Variants in MGST1 observed in about 807,000 individuals in gnomAD.
MGST1 encodes glutathione S-transferase 12.
MGST1 carries 5 observed loss-of-function variants against 8.9 expected under a neutral mutation model. The ratio of observed to expected loss-of-function variants is 0.56; its 90% CI spans 0.29 to 1.19. The LOEUF (loss-of-function observed/expected upper bound fraction) is 1.19, where lower values mean the gene tolerates loss of function less well. Ranked by LOEUF, MGST1 falls within the 50% of genes most tolerant of loss-of-function variation. The pLI, the probability that MGST1 is intolerant of heterozygous loss-of-function variation, is 0.08. For missense variants in MGST1, 182 were observed against 187.4 expected (o/e 0.97, Z 0.17); for synonymous variants, 54 against 67.8 (o/e 0.80, Z 1.00).
chr12:16,368,895 T>C (rs1285809644), downstream of MGST1, among the ~76,000 whole-genome samples: 1 of 152,204 alleles, frequency 6.6e-6, no homozygotes, highest in African/African-American at 2.4e-5. Flanking sequence ...TAGACTCTGA[T>C]ATACCACGAA....
chr12:16,419,756 G>A (rs1255483150), intron 1 of MGST1, among the ~76,000 whole-genome samples: 2 of 152,140 alleles, frequency 1.3e-5, no homozygotes, highest in African/African-American at 4.8e-5. Context: ...TCAGCCTGAA[G>A]ATATACTTTG....
At chr12:16,479,829 C>G (rs1311446214) in intron 4 of MGST1, among the ~76,000 whole-genome samples, 1 of 152,110 alleles carries the variant, frequency 6.6e-6, no homozygotes, top group Non-Finnish European at 1.5e-5. Context: ...AGCCACTGCA[C>G]CTGTATCTTT....
At chr12:16,421,326 T>C (rs903476645) in intron 1 of MGST1, among the ~76,000 whole-genome samples, 3 of 152,180 alleles carry the variant, frequency 2.0e-5, no homozygotes, top group African/African-American at 7.2e-5. Context: ...ATGAGGAGCC[T>C]GATGTAACCC....
chr12:16,481,222 T>A (rs1189712405), intron 4 of MGST1, among the ~76,000 whole-genome samples: 1 of 152,198 alleles, frequency 6.6e-6, no homozygotes, highest in African/African-American at 2.4e-5. Context: ...TTTCAGTATC[T>A]ACATGGTCCA....
chr12:16,420,732 G>C (rs1940828605), intron 1 of MGST1, among the ~76,000 whole-genome samples: 1 of 152,114 alleles, frequency 6.6e-6, no homozygotes, highest in African/African-American at 2.4e-5. Flanking sequence ...GTGATCTTGG[G>C]TGAGAATGCT....
intron 4 of MGST1, among the ~76,000 whole-genome samples, chr12:16,506,840 G>C (rs1037012681): frequency 6.6e-5 from 10 of 152,240 alleles, no homozygotes; most frequent in Admixed American, 1.3e-4. Context: ...TAAACATTAG[G>C]ATCAACAATT....
At chr12:16,384,942 G>A (rs138658359) in intron 1 of MGST1, among the ~76,000 whole-genome samples, 1 of 152,232 alleles carries the variant, frequency 6.6e-6, no homozygotes, top group Non-Finnish European at 1.5e-5. Context: ...TCTAGCTGGG[G>A]TTACAGCAGA....
intron 4 of MGST1, among the ~76,000 whole-genome samples, chr12:16,540,261 A>G (rs1184191568): frequency 6.6e-6 from 1 of 152,038 alleles, no homozygotes; most frequent in Non-Finnish European, 1.5e-5. Context: ...GGATTTGCAC[A>G]GTGATTGGCA....
chr12:16,518,635 C>A (rs935947524), intron 4 of MGST1, among the ~76,000 whole-genome samples: 10 of 152,152 alleles, frequency 6.6e-5, no homozygotes, highest in African/African-American at 2.4e-4. Context: ...CAATCAGTGT[C>A]CTTTAAATGA....
At position 16,410,905 on chromosome 12, in the gene MGST1, G is replaced by A. The variant is rs1308383375; in HGVS notation, n.779-26483G>A. On this transcript the variant is annotated intron_variant and non_coding_transcript_variant, in intron 1 of 1. Transcript: ENST00000359720. This position sits in a 1 kb window ranked among gnomAD's most constrained non-coding sequence, Gnocchi z 4.4. ...ACTATTTCTCTTGCTTTTGTACCCT[G>A]CCAGGCTGGCCTATGTTCAATGTTT... Among the ~76,000 whole-genome samples the A allele has an allele frequency of 2.6e-5, 4 of 151,756 alleles. No homozygotes were observed. Among genetic ancestry groups the A allele is most frequent in the Admixed American group, 6.6e-5 (1 of 15,208 alleles).
In MGST1 at chr12:16,560,323, A is replaced by T; in HGVS notation, n.483-29205A>T. 1.4e-6 allele frequency: 2 copies of T among 1,380,794 alleles called. No individual in the cohort carries two copies. The highest frequency in any genetic ancestry group is 2.0e-6 in the Non-Finnish European group (2 of 1,012,352). The allele number at this position is 1,380,794 out of a possible 1,614,324, so 85.5% of individuals were successfully genotyped here. A position where few individuals can be genotyped will look rare whatever the true frequency, so the allele number is the denominator to read the frequency against. On this transcript the variant is annotated intron_variant and non_coding_transcript_variant, in intron 4 of 4. Transcript: ENST00000538857. This position sits in a 1 kb window ranked among gnomAD's most constrained non-coding sequence, Gnocchi z 5.0. ...GAAAAACGCTGAGATTGATTGCTTT[A>T]AATGTATGAATATAATTTCCACCTA...
chr12:16,399,735 G>T, intron 1 of MGST1: 1 of 1,163,408 alleles, frequency 8.6e-7, no homozygotes, highest in Non-Finnish European at 1.3e-6. Flanking sequence ...CCAGTTGAGG[G>T]ACTGTACTCC....
intron 4 of MGST1, among the ~76,000 whole-genome samples, chr12:16,530,161 AC>A (rs1471536414): frequency 6.6e-5 from 10 of 152,136 alleles, no homozygotes; most frequent in African/African-American, 2.4e-4. Flanking sequence ...ATCATATAAA[AC>A]GTTAATAAAA....
intron 4 of MGST1, among the ~76,000 whole-genome samples, chr12:16,453,841 A>G (rs890913893): frequency 6.6e-6 from 1 of 151,934 alleles, no homozygotes; most frequent in Non-Finnish European, 1.5e-5. Flanking sequence ...GACATCAGTC[A>G]TAGTGAATCA....
chr12:16,561,280 G>C (rs1014534829), intron 4 of MGST1, among the ~76,000 whole-genome samples: 4 of 152,088 alleles, frequency 2.6e-5, no homozygotes, highest in African/African-American at 9.7e-5. Context: ...ATTTCATAAC[G>C]TGAGGAAATA....
At chr12:16,397,960 A>T (rs1357414854) in intron 1 of MGST1, among the ~76,000 whole-genome samples, 1 of 151,674 alleles carries the variant, frequency 6.6e-6, no homozygotes, top group Non-Finnish European at 1.5e-5. Context: ...AAATAGGTCA[A>T]TATCTTTACA....
chr12:16,514,457 T>C, intron 4 of MGST1: 1 of 260,368 alleles, frequency 3.8e-6, no homozygotes. Context: ...AGCTGGTCTC[T>C]AACCTCAAGA....
intron 4 of MGST1, among the ~76,000 whole-genome samples, chr12:16,508,877 G>A (rs561186340): frequency 6.6e-6 from 1 of 152,264 alleles, no homozygotes; most frequent in Admixed American, 6.5e-5. Context: ...TGCAAAATTA[G>A]AATGATATTA....
intron 4 of MGST1, among the ~76,000 whole-genome samples, chr12:16,455,345 G>A (rs542926242): frequency 6.6e-6 from 1 of 151,896 alleles, no homozygotes; most frequent in East Asian, 1.9e-4. Context: ...AGGTTTAGAA[G>A]CCACACAGTA....
Sources: allele counts gnomAD v4.1 joint callset (sites outside exome capture counted in the v4.1 genomes callset), GRCh38; gene constraint gnomAD v4.1.1; non-coding constraint Gnocchi (gnomAD v3.1); transcripts MANE v1.5; gene names NCBI Gene and HGNC (gene_info 2026-07-23, HGNC 2026-07-21).